WASHC4: variants seen among roughly 807,000 people sequenced by gnomAD.
WASHC4 encodes WASH complex subunit 7.
A neutral mutation model predicts 166.6 loss-of-function variants in WASHC4; 86 were observed. The observed-to-expected ratio is 0.52, with a 90% CI of 0.43 to 0.62. WASHC4 has a LOEUF of 0.62. Among genes scored for constraint, WASHC4 ranks in the 20% least tolerant of loss-of-function variants. WASHC4 has a pLI of 0.00. For synonymous variants in WASHC4, 446 were observed against 451.6 expected (o/e 0.99, Z 0.16); for missense variants, 1,262 against 1,382.4 (o/e 0.91, Z 1.38).
intron 9 of WASHC4, 88 bp downstream of exon 9, chr12:105,121,292 A>G: frequency 2.5e-6 from 2 of 806,270 alleles, no homozygotes; most frequent in Non-Finnish European, 2.1e-6. Context: ...AATAATACAG[A>G]TTTTCTAAAA....
At chr12:105,149,449 A>AAAAATGTTATTT (rs1396212097) in intron 24 of WASHC4, 166 bp from the exon 25 acceptor site, 1 of 1,058,740 alleles carries the variant, frequency 9.4e-7, no homozygotes, top group Non-Finnish European at 1.2e-6. Flanking sequence ...TTCAGCAATA[A>AAAAATGTTATTT]AAAATGTTAT....
chr12:105,149,523 T>C, intron 24 of WASHC4, 92 bp from the exon 25 acceptor site: 3 of 1,066,208 alleles, frequency 2.8e-6, no homozygotes, highest in Non-Finnish European at 4.0e-6. Flanking sequence ...GTAGTACAAA[T>C]AGATAACTGT....
At chr12:105,159,968 G>T in intron 28 of WASHC4, 33 bp from the exon 29 acceptor site, 1 of 1,608,060 alleles carries the variant, frequency 6.2e-7, no homozygotes, top group Non-Finnish European at 8.5e-7. Context: ...CGCTTCTTTT[G>T]AGAAAGGAAC....
At chr12:105,119,616 G>T (rs766601126) in intron 7 of WASHC4, among the ~76,000 whole-genome samples, 1 of 152,092 alleles carries the variant, frequency 6.6e-6, no homozygotes, top group Non-Finnish European at 1.5e-5. Context: ...TGGCAGGAGA[G>T]AATGAGAGTA....
chr12:105,136,069 A>G (rs1229591401), intron 14 of WASHC4, among the ~76,000 whole-genome samples: 1 of 152,140 alleles, frequency 6.6e-6, no homozygotes, highest in Non-Finnish European at 1.5e-5. Flanking sequence ...GGTTATATCA[A>G]TCTAGTAGGT....
Position 105,156,712 on chromosome 12 carries a change from GTGTGGTTTT to G in WASHC4, c.2759-12_2759-4del, listed in dbSNP as rs2135832088. 6.3e-7 allele frequency: 1 copy of G among 1,592,430 alleles called. No individual in the cohort carries two copies. The highest frequency in any genetic ancestry group is 2.2e-5 in the East Asian group (1 of 44,552). On this transcript the variant is annotated splice_region_variant and splice_polypyrimidine_tract_variant and intron_variant, in intron 26 of 32. Coordinates refer to ENST00000332180, the MANE Select transcript of WASHC4 (RefSeq NM_015275.3). ...ATTTATATAAATATCTGATTTTTTT[GTGTGGTTTT>G]TAAGGTAATGCTATGGGCTATGTAC... is the stretch of plus-strand genomic sequence containing the variant.
At chr12:105,131,050 A>T (rs372643458) in intron 13 of WASHC4, among the ~76,000 whole-genome samples, 9 of 151,516 alleles carry the variant, frequency 5.9e-5, no homozygotes, top group Admixed American at 3.3e-4. Context: ...AACTTGAAGC[A>T]GTTTTGTTTT....
intron 26 of WASHC4, among the ~76,000 whole-genome samples, chr12:105,153,558 A>G (rs1241693579): frequency 6.6e-6 from 1 of 152,224 alleles, no homozygotes; most frequent in African/African-American, 2.4e-5. Flanking sequence ...TTATGGAGCA[A>G]TAGTTCTTAA....
At chr12:105,155,864 C>T (rs1448893981) in intron 26 of WASHC4, among the ~76,000 whole-genome samples, 8 of 151,888 alleles carry the variant, frequency 5.3e-5, no homozygotes, top group East Asian at 3.9e-4. Context: ...AAGCACTATA[C>T]GCTCTAACTT....
chr12:105,115,177 A>C lies in WASHC4; in HGVS notation c.322-7A>C. The C allele has an allele frequency of 6.8e-7, 1 of 1,477,680 alleles. No individual in the cohort carries two copies. The highest frequency in any genetic ancestry group is 9.5e-7 in the Non-Finnish European group (1 of 1,057,388). 91.5% of individuals were successfully genotyped at this position (1,477,680 alleles called of 1,614,324 possible). A position where few individuals can be genotyped will look rare whatever the true frequency, so the allele number is the denominator to read the frequency against. On this transcript the variant is annotated splice_polypyrimidine_tract_variant and splice_region_variant and intron_variant, in intron 4 of 32. Coordinates refer to ENST00000332180, the MANE Select transcript of WASHC4 (RefSeq NM_015275.3). ...TAAAATTATTTTAATTTTTTTCTTA[A>C]AAACAGGCTGAAACTAAATTTTACA...
chr12:105,127,021 A>T (rs891364146), intron 12 of WASHC4, 108 bp from the exon 13 acceptor site: 235 of 930,566 alleles, frequency 2.5e-4, no homozygotes, highest in Non-Finnish European at 4.8e-5. Context: ...TTTTGTGGTT[A>T]TTTTTTCTTG....
chr12:105,162,640 TATTCTATTTATAGTG>T (rs1884568099), intron 29 of WASHC4, 94 bp from the exon 30 acceptor site: 1 of 666,830 alleles, frequency 1.5e-6, no homozygotes, highest in African/African-American at 1.8e-5. Flanking sequence ...GATTCTATTC[TATTCTATTTATAGTG>T]ATTCTATTTA....
At chr12:105,145,271 A>G (rs1883197622) in intron 22 of WASHC4, among the ~76,000 whole-genome samples, 1 of 151,982 alleles carries the variant, frequency 6.6e-6, no homozygotes, top group East Asian at 1.9e-4. Context: ...AATTTACATG[A>G]TTACAAATGT....
At position 105,111,181 on chromosome 12, in the gene WASHC4, T is replaced by A. The variant is rs1364546400; in HGVS notation, c.118T>A (p.Ser40Thr). Residue 40 changes from serine (S) to threonine (T), a missense_variant, in exon 2 of 33, where the codon TCT becomes ACT. Coordinates refer to ENST00000332180, the MANE Select transcript of WASHC4 (RefSeq NM_015275.3). The part of the protein sequence containing the change: ...NYGKFLEEYT[S>T]QLRRIEDALD... ...TGGGAAATTTCTTGAGGAGTATACC[T>A]CTCAACTGAGAAGAATTGAGGACGC... 6.2e-7 allele frequency: 1 copy of A among 1,605,412 alleles called. No homozygotes were observed. The highest frequency in any genetic ancestry group is 8.5e-7 in the Non-Finnish European group (1 of 1,172,684).
In WASHC4 at chr12:105,139,415, A is replaced by ATGTGTGTGTGTGTGTG. The variant is rs144001458; in HGVS notation, c.1453-868_1453-867insGTGTGTGTGTGTGTGT. Among the ~76,000 whole-genome samples the ATGTGTGTGTGTGTGTG allele has an allele frequency of 4.9e-4, 46 of 94,442 alleles. 1 individual carries two copies. Among genetic ancestry groups the ATGTGTGTGTGTGTGTG allele is most frequent in the East Asian group, 3.7e-3 (11 of 2,948 alleles). The allele number at this position is 94,442 out of a possible 152,430, so 62.0% of individuals were successfully genotyped here. ...TTGTCTCTATAGACAGACTATATAT[A>ATGTGTGTGTGTGTGTG]TGTGTGTGTGTATATATATATATAT... On this transcript the variant is annotated intron_variant, in intron 15 of 32. Transcript: ENST00000332180.
At chr12:105,109,502 T>A (rs549832567) in intron 1 of WASHC4, among the ~76,000 whole-genome samples, 3 of 152,342 alleles carry the variant, frequency 2.0e-5, no homozygotes, top group East Asian at 3.9e-4. Context: ...TATCTCAACT[T>A]TTGTTATTTT....
At position 105,138,619 on chromosome 12, in the gene WASHC4, T is replaced by A. The variant is rs557051169; in HGVS notation, c.1452+608T>A. Among the ~76,000 whole-genome samples, 68 of 152,278 alleles carry A rather than the reference T, an allele frequency of 4.5e-4. 1 individual carries two copies. Among genetic ancestry groups the A allele is most frequent in the East Asian group, 3.9e-4 (2 of 5,194 alleles). ...GCAGGAAAGTCCAGTTAACCTTTTG[T>A]AAAAATTGAAATTAAGATTTGCTGG... is the stretch of plus-strand genomic sequence containing the variant. On this transcript the variant is annotated intron_variant, in intron 15 of 32. Coordinates refer to ENST00000332180, the MANE Select transcript of WASHC4 (RefSeq NM_015275.3).
intron 25 of WASHC4, 127 bp from the exon 26 acceptor site, chr12:105,152,210 ATTAATC>A (rs1307521499): frequency 6.3e-6 from 4 of 633,700 alleles, no homozygotes; most frequent in East Asian, 5.6e-5. Flanking sequence ...TGTATGAATT[ATTAATC>A]TTAATTAATT....
chr12:105,139,357 C>T (rs983486412), intron 15 of WASHC4, among the ~76,000 whole-genome samples: 10 of 143,692 alleles, frequency 7.0e-5, no homozygotes, highest in African/African-American at 2.3e-4. Context: ...TTATGTGTTA[C>T]GTATATGTTC....
Sources: gnomAD v4.1 joint callset for allele counts (sites outside exome capture counted in the v4.1 genomes callset) on GRCh38, gnomAD v4.1.1 for gene constraint, MANE v1.5 for transcripts, NCBI Gene and HGNC (gene_info 2026-07-23, HGNC 2026-07-21) for gene names.